DERA: variants seen among roughly 807,000 people sequenced by gnomAD.
The protein encoded by DERA is 2-deoxy-D-ribose 5-phosphate aldolase.
A neutral mutation model predicts 41.1 loss-of-function variants in DERA; 15 were observed. The ratio of observed to expected loss-of-function variants is 0.37; its 90% CI spans 0.24 to 0.56. The LOEUF is 0.56. DERA is among the 20% of genes least tolerant of loss of function. The pLI is 0.81. For synonymous variants in DERA, 139 were observed against 137.4 expected (o/e 1.01, Z -0.08); for missense variants, 396 against 403.4 (o/e 0.98, Z 0.16).
At chr12:15,987,297 C>T (rs1027174295) in intron 6 of DERA, among the ~76,000 whole-genome samples, 4 of 138,044 alleles carry the variant, frequency 2.9e-5, no homozygotes, top group African/African-American at 1.1e-4. Context: ...AGTGCAATGG[C>T]GTGATCTCAG....
intron 6 of DERA, among the ~76,000 whole-genome samples, chr12:16,030,940 G>A (rs927133637): frequency 4.6e-5 from 7 of 152,182 alleles, no homozygotes. Flanking sequence ...GGCTTCCAGT[G>A]ACCTGCTCTG....
chr12:15,944,503 G>T (rs560236122), intron 1 of DERA, among the ~76,000 whole-genome samples: 1 of 152,120 alleles, frequency 6.6e-6, no homozygotes, highest in Non-Finnish European at 1.5e-5. Context: ...TTTTTCATGT[G>T]TTTTTTGGCT....
intron 1 of DERA, among the ~76,000 whole-genome samples, chr12:15,914,412 AG>A (rs373132097): frequency 1.3e-5 from 2 of 150,686 alleles, no homozygotes; most frequent in Non-Finnish European, 3.0e-5. Flanking sequence ...AAAAAAAAAA[AG>A]AAAAAGTCTG....
At chr12:16,031,413 TG>T (rs1949091423) in intron 6 of DERA, among the ~76,000 whole-genome samples, 1 of 152,204 alleles carries the variant, frequency 6.6e-6, no homozygotes, top group South Asian at 2.1e-4. Flanking sequence ...CTCAGAGACT[TG>T]TTTTAGGTAT....
chr12:15,935,530 A>G lies in DERA; in HGVS notation c.32-21406A>G, dbSNP rs1466717892. Among the ~76,000 whole-genome samples, 1 of 152,182 alleles carries G rather than the reference A, an allele frequency of 6.6e-6. No individual in the cohort carries two copies. The highest frequency in any genetic ancestry group is 1.5e-5 in the Non-Finnish European group (1 of 68,022). Reference sequence around the variant, plus strand: ...ACTATAATTTTTAAAAAGAAATTTCATTGAGGTATAATATATGTTCAGTTT... The same window carrying G: ...ACTATAATTTTTAAAAAGAAATTTCGTTGAGGTATAATATATGTTCAGTTT... On this transcript the variant is annotated intron_variant, in intron 1 of 8. Coordinates refer to ENST00000428559, the MANE Select transcript of DERA (RefSeq NM_015954.4). The surrounding 1 kb of genome is among the most constrained non-coding windows in gnomAD (Gnocchi z 4.8).
At chr12:15,968,664 C>T (rs754329973) in intron 5 of DERA, among the ~76,000 whole-genome samples, 20 of 152,186 alleles carry the variant, frequency 1.3e-4, no homozygotes, top group Non-Finnish European at 2.6e-4. Context: ...GCTTTCTGTT[C>T]CTTCTATGTA....
rs888678854 is a variant in DERA, at chr12:16,004,251, G to A, written c.637+21815G>A. 6.6e-6 allele frequency among the ~76,000 whole-genome samples: 1 copy of A among 152,158 alleles called. No homozygotes were observed. The highest frequency in any genetic ancestry group is 1.5e-5 in the Non-Finnish European group (1 of 68,016). On this transcript the variant is annotated intron_variant, in intron 6 of 8. Coordinates refer to ENST00000428559, the MANE Select transcript of DERA (RefSeq NM_015954.4). This position sits in a 1 kb window ranked among gnomAD's most constrained non-coding sequence, Gnocchi z 4.2. ...ATATGCAGATAATTTGAATCTGAAT[G>A]TACAGCCAAGTATTCAAAATATAAA...
At position 15,982,516 on chromosome 12, in the gene DERA, T is replaced by G; in HGVS notation, c.637+80T>G. 1 of 1,448,630 alleles carries G rather than the reference T, an allele frequency of 6.9e-7. No homozygotes were observed. Among genetic ancestry groups the G allele is most frequent in the Non-Finnish European group, 9.2e-7 (1 of 1,082,702 alleles). 89.7% of individuals were successfully genotyped at this position (1,448,630 alleles called of 1,614,324 possible). A position where few individuals can be genotyped will look rare whatever the true frequency, so the allele number is the denominator to read the frequency against. On this transcript the variant is annotated intron_variant, in intron 6 of 8. Coordinates refer to ENST00000428559, the MANE Select transcript of DERA (RefSeq NM_015954.4). The surrounding 1 kb of genome is among the most constrained non-coding windows in gnomAD (Gnocchi z 4.0). ...AATTAAGTAAGTGAAAGCATTTAGC[T>G]ATTATTAAACGTGCTAACCACTTGG...
Position 15,962,817 on chromosome 12 carries a change from C to T in DERA, c.378C>T (p.Ala126=), listed in dbSNP as rs762929303. Residue 126 remains alanine, a synonymous_variant, in exon 5 of 9, where the codon GCC becomes GCT. Transcript: ENST00000428559. ...AGCNIPVASV[A]AGFPAGQTHL... ...TTCCTTTCTTAACTCTATTAGTGGC[C>T]GCTGGATTTCCAGCTGGACAGACTC... 1.5e-5 allele frequency: 23 copies of T among 1,541,550 alleles called. No individual in the cohort carries two copies. The highest frequency in any genetic ancestry group is 2.5e-5 in the East Asian group (1 of 40,496).
At chr12:15,950,077 C>A (rs923124850) in intron 1 of DERA, among the ~76,000 whole-genome samples, 1 of 152,046 alleles carries the variant, frequency 6.6e-6, no homozygotes, top group South Asian at 2.1e-4. Context: ...TTTCTGTTAC[C>A]AGAAAGGGGT....
In DERA at chr12:15,962,964, A is replaced by C. The variant is rs771407890; in HGVS notation, c.508+17A>C. Reference sequence around the variant, plus strand: ...AGTGGGAAGGTAGGTGCATGCTTTTACCTAAGAGAGTTTCACCATTCTTCC... The same window carrying C: ...AGTGGGAAGGTAGGTGCATGCTTTTCCCTAAGAGAGTTTCACCATTCTTCC... On this transcript the variant is annotated intron_variant, in intron 5 of 8. Coordinates refer to ENST00000428559, the MANE Select transcript of DERA (RefSeq NM_015954.4). 8.7e-6 allele frequency: 14 copies of C among 1,600,890 alleles called. No homozygotes were observed. The highest frequency in any genetic ancestry group is 2.7e-5 in the African/African-American group (2 of 74,830).
intron 1 of DERA, among the ~76,000 whole-genome samples, chr12:15,952,210 C>T (rs893653826): frequency 4.6e-5 from 7 of 152,254 alleles, no homozygotes; most frequent in African/African-American, 1.2e-4. Context: ...GTACTTCATT[C>T]TTTTTAATGG....
intron 5 of DERA, among the ~76,000 whole-genome samples, chr12:15,964,909 G>A (rs1258707012): frequency 1.3e-5 from 2 of 152,142 alleles, no homozygotes; most frequent in African/African-American, 2.4e-5. Context: ...AATAACAGGC[G>A]TTTATGCAAA....
In DERA at chr12:15,988,464, T is replaced by C. The variant is rs1340740865; in HGVS notation, c.637+6028T>C. Among the ~76,000 whole-genome samples, 1 of 152,140 alleles carries C rather than the reference T, an allele frequency of 6.6e-6. No individual in the cohort carries two copies. Among genetic ancestry groups the C allele is most frequent in the East Asian group, 1.9e-4 (1 of 5,192 alleles). On this transcript the variant is annotated intron_variant, in intron 6 of 8. Transcript: ENST00000428559. The surrounding 1 kb of genome is among the most constrained non-coding windows in gnomAD (Gnocchi z 6.0). ...TCCAGCTCTCAGTAGAGAGGAGACCTGTAGTGGGTAGCTCCTTTTTGCAGG... is the reference window on the plus strand; with the variant it reads ...TCCAGCTCTCAGTAGAGAGGAGACCCGTAGTGGGTAGCTCCTTTTTGCAGG...
Position 15,936,966 on chromosome 12 carries a change from C to G in DERA, c.32-19970C>G, listed in dbSNP as rs1948372927. ...CTGTCCCGTCCTGTCCTGCCCTGCC[C>G]TGCCCTGTCTTGTCTTTCTTTTTTG... On this transcript the variant is annotated intron_variant, in intron 1 of 8. Coordinates refer to ENST00000428559, the MANE Select transcript of DERA (RefSeq NM_015954.4). The surrounding 1 kb of genome is among the most constrained non-coding windows in gnomAD (Gnocchi z 4.6). 6.7e-6 allele frequency among the ~76,000 whole-genome samples: 1 copy of G among 150,034 alleles called. No individual in the cohort carries two copies. The highest frequency in any genetic ancestry group is 2.1e-4 in the South Asian group (1 of 4,804).
chr12:15,922,078 G>C lies in DERA; in HGVS notation c.31+10664G>C, dbSNP rs1453388914. On this transcript the variant is annotated intron_variant, in intron 1 of 8. Transcript: ENST00000428559. The surrounding 1 kb of genome is among the most constrained non-coding windows in gnomAD (Gnocchi z 4.9). ...TCTCAAAGTCATTCATTCAGCATGTGTATGTTGAGTACTGTGAACTCATCA... is the reference window on the plus strand; with the variant it reads ...TCTCAAAGTCATTCATTCAGCATGTCTATGTTGAGTACTGTGAACTCATCA... Among the ~76,000 whole-genome samples, 1 of 152,152 alleles carries C rather than the reference G, an allele frequency of 6.6e-6. No individual in the cohort carries two copies. Among genetic ancestry groups the C allele is most frequent in the Non-Finnish European group, 1.5e-5 (1 of 68,038 alleles).
chr12:15,955,847 G>T (rs1161933996), intron 1 of DERA, among the ~76,000 whole-genome samples: 1 of 152,150 alleles, frequency 6.6e-6, no homozygotes, highest in Non-Finnish European at 1.5e-5. Context: ...GCATTATAAA[G>T]AGTTTTGTAA....
In DERA at chr12:15,935,436, A is replaced by G. The variant is rs1948357752; in HGVS notation, c.32-21500A>G. Among the ~76,000 whole-genome samples the G allele has an allele frequency of 2.0e-5, 3 of 152,114 alleles. No individual in the cohort carries two copies. Among genetic ancestry groups the G allele is most frequent in the Admixed American group, 6.5e-5 (1 of 15,272 alleles). On this transcript the variant is annotated intron_variant, in intron 1 of 8. Transcript: ENST00000428559. The surrounding 1 kb of genome is among the most constrained non-coding windows in gnomAD (Gnocchi z 4.8). ...CGGGAGGTGGAAGTTGCAGTGAGCA[A>G]TGATTATGCCACTGCACTCCAGCCT...
chr12:15,986,541 C>T (rs910532894), intron 6 of DERA, among the ~76,000 whole-genome samples: 37 of 152,160 alleles, frequency 2.4e-4, no homozygotes, highest in Non-Finnish European at 7.4e-5. Flanking sequence ...TTTTCACAGT[C>T]TACTTGGAAT....
Sources: gnomAD v4.1 joint callset for allele counts (sites outside exome capture counted in the v4.1 genomes callset) on GRCh38, gnomAD v4.1.1 for gene constraint, Gnocchi (gnomAD v3.1) non-coding constraint, MANE v1.5 for transcripts, NCBI Gene and HGNC (gene_info 2026-07-23, HGNC 2026-07-21) for gene names.